Variants in ARHGEF10 observed in about 807,000 individuals in gnomAD.
The protein encoded by ARHGEF10 is Rho guanine nucleotide exchange factor 10.
A neutral mutation model predicts 147.4 loss-of-function variants in ARHGEF10; 140 were observed. The observed-to-expected ratio is 0.95, with a 90% CI of 0.83 to 1.09. ARHGEF10 has a LOEUF of 1.09. Ranked by LOEUF, ARHGEF10 falls within the 50% of genes least tolerant of loss-of-function variation. The pLI, the probability that ARHGEF10 is intolerant of heterozygous loss-of-function variation, is 0.00. For missense variants in ARHGEF10, 2,222 were observed against 1,752.7 expected (o/e 1.27, Z -4.78); for synonymous variants, 902 against 695.8 (o/e 1.30, Z -4.67).
intron 26 of ARHGEF10, among the ~76,000 whole-genome samples, chr8:1,939,214 G>A (rs1171302929): frequency 6.6e-6 from 1 of 152,242 alleles, no homozygotes; most frequent in East Asian, 1.9e-4. Context: ...AGATCCTGTG[G>A]CCCAGTGTTC....
rs1157584187 is a variant in ARHGEF10, at chr8:1,841,834, C to CGGCGG, written c.-47-1518_-47-1517insGCGGG. ...GGGGCCGCGGCGGGAACTGGGGCCG[C>CGGCGG]GACGGGAACTGGGGCCGCGGCGGGA... On this transcript the variant is annotated intron_variant, in intron 1 of 28. Transcript: ENST00000349830. 5.7e-3 allele frequency among the ~76,000 whole-genome samples: 526 copies of CGGCGG among 92,150 alleles called. 30 individuals carry two copies. The highest frequency in any genetic ancestry group is 0.018 in the Admixed American group (174 of 9,634). 60.5% of individuals were successfully genotyped at this position (92,150 alleles called of 152,430 possible).
intron 14 of ARHGEF10, among the ~76,000 whole-genome samples, chr8:1,896,994 G>A (rs528066672): frequency 3.2e-4 from 49 of 152,214 alleles, no homozygotes; most frequent in African/African-American, 1.2e-3. Context: ...CAGGCAGGCA[G>A]GGCTTCCCCA....
chr8:1,931,734 G>A (rs763348405), intron 25 of ARHGEF10, among the ~76,000 whole-genome samples: 5 of 152,190 alleles, frequency 3.3e-5, no homozygotes, highest in Non-Finnish European at 5.9e-5. Context: ...AAATTCTGTG[G>A]GCAATTTCCA....
At chr8:1,926,176 A>G (rs1812677079) in intron 22 of ARHGEF10, among the ~76,000 whole-genome samples, 1 of 152,202 alleles carries the variant, frequency 6.6e-6, no homozygotes, top group Admixed American at 6.5e-5. Context: ...GAATCTCCTT[A>G]GGTGTTCACT....
chr8:1,916,115 G>T (rs766425365), intron 18 of ARHGEF10, among the ~76,000 whole-genome samples: 3 of 152,230 alleles, frequency 2.0e-5, no homozygotes, highest in Non-Finnish European at 4.4e-5. Flanking sequence ...GGAAAGTGCA[G>T]CTGGCACATG....
chr8:1,850,146 T>TAGCCGCA (rs1804970507), intron 2 of ARHGEF10, among the ~76,000 whole-genome samples: 1 of 132,174 alleles, frequency 7.6e-6, no homozygotes, highest in Non-Finnish European at 1.7e-5. Flanking sequence ...GAGGAGGGTG[T>TAGCCGCA]GGGGCGGCCA....
At chr8:1,870,182 TGTTCTGAA>T (rs960555205) in intron 7 of ARHGEF10, 2 of 151,002 alleles carry the variant, frequency 1.3e-5, no homozygotes, top group African/African-American at 2.4e-5. Context: ...TCATGCCGTG[TGTTCTGAA>T]GTTCTGAAGT....
intron 15 of ARHGEF10, 128 bp from the exon 16 acceptor site, chr8:1,903,153 A>C: frequency 8.3e-7 from 1 of 1,205,892 alleles, no homozygotes; most frequent in Non-Finnish European, 1.2e-6. Context: ...CCAAGAACTG[A>C]CTTTATTTTT....
At chr8:1,860,255 C>T in intron 4 of ARHGEF10, 71 bp downstream of exon 4, 1 of 1,512,814 alleles carries the variant, frequency 6.6e-7, no homozygotes, top group Non-Finnish European at 9.0e-7. Context: ...CCCGAAGTGG[C>T]CTGTGGTTCC....
chr8:1,948,207 G>A lies in ARHGEF10; in HGVS notation c.3397+2552G>A, dbSNP rs372264156. On this transcript the variant is annotated intron_variant, in intron 27 of 28. Coordinates refer to ENST00000349830, the MANE Select transcript of ARHGEF10 (RefSeq NM_014629.4). This position sits in a 1 kb window ranked among gnomAD's most constrained non-coding sequence, Gnocchi z 4.9. ...ACCATCCCCTGGCGCCCACTCTCCCGGGCCCCTCCAACATCCTGGGCTGGC... is the reference window on the plus strand; with the variant it reads ...ACCATCCCCTGGCGCCCACTCTCCCAGGCCCCTCCAACATCCTGGGCTGGC... Among the ~76,000 whole-genome samples the A allele has an allele frequency of 2.0e-5, 3 of 152,068 alleles. No individual in the cohort carries two copies. Among genetic ancestry groups the A allele is most frequent in the African/African-American group, 7.2e-5 (3 of 41,410 alleles).
chr8:1,864,305 A>T, intron 4 of ARHGEF10, 68 bp from the exon 5 acceptor site: 1 of 1,504,412 alleles, frequency 6.6e-7, no homozygotes. Flanking sequence ...TTTTAAGGGT[A>T]AAAACATCAA....
Position 1,923,877 on chromosome 8 carries a change from A to G in ARHGEF10, c.2488+3A>G, listed in dbSNP as rs780197260. The stretch of plus-strand genomic sequence containing the variant: ...ACAGATGGCCAAGCTCGCCCTAGGT[A>G]AGGCCTGGCTGGCTGAGGCTGAATG... On this transcript the variant is annotated splice_donor_region_variant and intron_variant, in intron 21 of 28. Coordinates refer to ENST00000349830, the MANE Select transcript of ARHGEF10 (RefSeq NM_014629.4). The G allele has an allele frequency of 3.7e-6, 6 of 1,613,800 alleles. No homozygotes were observed. Among genetic ancestry groups the G allele is most frequent in the Non-Finnish European group, 4.2e-6 (5 of 1,179,830 alleles).
At chr8:1,855,973 T>G (rs1366297769) in intron 2 of ARHGEF10, among the ~76,000 whole-genome samples, 1 of 151,816 alleles carries the variant, frequency 6.6e-6, no homozygotes, top group Admixed American at 6.6e-5. Context: ...TGGGAGACAG[T>G]GAGGACTGGT....
chr8:1,900,619 T>C (rs1810375721), intron 15 of ARHGEF10, among the ~76,000 whole-genome samples: 1 of 152,214 alleles, frequency 6.6e-6, no homozygotes, highest in South Asian at 2.1e-4. Context: ...CGTTTACAAA[T>C]CTGTTCTTGT....
At chr8:1,941,045 C>T (rs1814051889) in intron 26 of ARHGEF10, among the ~76,000 whole-genome samples, 3 of 152,196 alleles carry the variant, frequency 2.0e-5, no homozygotes, top group African/African-American at 7.2e-5. Context: ...GAAAAGTTTT[C>T]CCCTGAAGAT....
chr8:1,925,381 G>A lies in ARHGEF10; in HGVS notation c.2587G>A (p.Val863Met), dbSNP rs751604541. The A allele has an allele frequency of 1.9e-6, 3 of 1,614,000 alleles. No individual in the cohort carries two copies. In the Admixed American group the frequency reaches 5.0e-5, roughly 27 times the overall value. The change falls in exon 22 of 29, where the codon GTG becomes ATG. Residue 863 changes from valine to methionine, a missense_variant. Physicochemically the swap from Val to Met is conservative, Grantham distance 21. Transcript: ENST00000349830. Reference sequence around the variant, plus strand: ...CCTCGTCGGACACATGCCCGTGATGGTGGCCAAGCAGCAGGAGTTCAAGGT... The same window carrying A: ...CCTCGTCGGACACATGCCCGTGATGATGGCCAAGCAGCAGGAGTTCAAGGT... ...PLLVGHMPVM[V>M]AKQQEFKIEC...
chr8:1,857,835 C>T, intron 2 of ARHGEF10, 125 bp from the exon 3 acceptor site: 2 of 894,556 alleles, frequency 2.2e-6, no homozygotes, highest in Non-Finnish European at 3.6e-6. Flanking sequence ...CGCAGTACAG[C>T]ACAGAGGAAC....
At position 1,928,762 on chromosome 8, in the gene ARHGEF10, C is replaced by A. The variant is rs552606494; in HGVS notation, c.2921+112C>A. 4.8e-6 allele frequency: 6 copies of A among 1,253,658 alleles called. No individual in the cohort carries two copies. The Admixed American group carries it at 5.9e-5, about 12-fold the overall frequency. The allele number at this position is 1,253,658 out of a possible 1,614,324, so 77.7% of individuals were successfully genotyped here. ...GACTTTGACTCAGGAGTAGCCCGTG[C>A]AGGAATTAGGGGATACCAGGGGAAA... On this transcript the variant is annotated intron_variant, in intron 24 of 28. Coordinates refer to ENST00000349830, the MANE Select transcript of ARHGEF10 (RefSeq NM_014629.4).
chr8:1,903,384 G>C lies in ARHGEF10; in HGVS notation c.1754G>C (p.Arg585Thr), dbSNP rs1045489. Residue 585 changes from arginine (R) to threonine (T), a missense_variant, in exon 16 of 29, where the codon AGA (arginine) becomes ACA (threonine). Coordinates refer to ENST00000349830, the MANE Select transcript of ARHGEF10 (RefSeq NM_014629.4). ...GCAGAGAAGTTAAATGAAAGAAAGA[G>C]AGATGCTGATCAACGCTGTGAAGTG... ...TLAEKLNERKRDADQRCEVKQ... is the reference protein window; with the variant it reads ...TLAEKLNERKTDADQRCEVKQ... 1.9e-6 allele frequency: 3 copies of C among 1,614,222 alleles called. No homozygotes were observed. Among genetic ancestry groups the C allele is most frequent in the South Asian group, 2.2e-5 (2 of 91,086 alleles).
Sources: gnomAD v4.1 joint callset for allele counts (sites outside exome capture counted in the v4.1 genomes callset) on GRCh38, gnomAD v4.1.1 for gene constraint, Gnocchi (gnomAD v3.1) non-coding constraint, MANE v1.5 for transcripts, NCBI Gene and HGNC (gene_info 2026-07-23, HGNC 2026-07-21) for gene names.